PGM1: variants seen among roughly 807,000 people sequenced by gnomAD.
The protein encoded by PGM1 is phosphoglucomutase-1.
In PGM1, 52 loss-of-function variants were observed where a neutral mutation model predicts 55.6. The ratio of observed to expected loss-of-function variants is 0.94; its 90% confidence interval spans 0.75 to 1.18. The LOEUF (loss-of-function observed/expected upper bound fraction) is 1.18, where lower values mean the gene tolerates loss of function less well. PGM1 is among the 50% of genes most tolerant of loss of function. PGM1 has a pLI of 0.00. For missense variants in PGM1, 724 were observed against 729.3 expected, an observed-to-expected ratio of 0.99 and a Z score of 0.08; for synonymous variants, 287 against 271.7, an observed-to-expected ratio of 1.06 and a Z score of -0.55.
intron 4 of PGM1, among the ~76,000 whole-genome samples, chr1:63,632,318 C>A (rs932119974): frequency 6.6e-6 from 1 of 152,148 alleles, no homozygotes; most frequent in Non-Finnish European, 1.5e-5. Context: ...TCACTGTGAA[C>A]CAGAACCACG....
intron 1 of PGM1, among the ~76,000 whole-genome samples, chr1:63,594,960 CAA>C (rs56084088): frequency 1.1e-5 from 1 of 93,112 alleles, no homozygotes. Flanking sequence ...GACTCCGTCT[CAA>C]AAAAAAAAAA....
At chr1:63,628,977 A>G (rs1163280083) in intron 1 of PGM1, among the ~76,000 whole-genome samples, 1 of 152,230 alleles carries the variant, frequency 6.6e-6, no homozygotes, top group Non-Finnish European at 1.5e-5. Flanking sequence ...TTACTTTAAA[A>G]AAGCCTTCTC....
At chr1:63,610,614 A>G (rs1648539375) in intron 1 of PGM1, among the ~76,000 whole-genome samples, 1 of 152,188 alleles carries the variant, frequency 6.6e-6, no homozygotes, top group Non-Finnish European at 1.5e-5. Flanking sequence ...CAGACACTTT[A>G]AACTTCTTGC....
Position 63,636,342 on chromosome 1 carries a change from G to T in PGM1, c.982G>T (p.Val328Phe). ...FSIPYFQQTG[V>F]RGFARSMPTS... is the part of the protein sequence containing the mutation. Reference sequence around the variant, plus strand: ...CATTCCGTATTTCCAGCAGACTGGGGTCCGCGGCTTTGCACGGAGCATGCC... The same window carrying T: ...CATTCCGTATTTCCAGCAGACTGGGTTCCGCGGCTTTGCACGGAGCATGCC... Residue 328 changes from valine (V) to phenylalanine (F), a missense_variant, in exon 6 of 11, where the codon GTC becomes TTC. This residue lies in a region of PGM1 where 316 missense variants were observed against 313.1 expected (regional missense o/e 1.01). Coordinates refer to ENST00000371084, the MANE Select transcript of PGM1 (RefSeq NM_002633.3). 6.2e-7 allele frequency: 1 copy of T among 1,614,120 alleles called. No individual in the cohort carries two copies. Among genetic ancestry groups the T allele is most frequent in the Non-Finnish European group, 8.5e-7 (1 of 1,180,004 alleles).
At chr1:63,626,255 G>A (rs1649012081) in intron 1 of PGM1, among the ~76,000 whole-genome samples, 2 of 152,062 alleles carry the variant, frequency 1.3e-5, no homozygotes, top group African/African-American at 2.4e-5. Flanking sequence ...TCAGTGTATG[G>A]TTCCCTGGCA....
rs367648776 is a variant in PGM1, at chr1:63,638,793, C to T, written c.1137C>T (p.Phe379=). The change falls in exon 7 of 11, where the codon TTC becomes TTT. Residue 379 remains phenylalanine, a synonymous_variant. Transcript: ENST00000371084. ...SKLSLCGEES[F]GTGSDHIREK... ...TGTCCCTTTGTGGGGAGGAGAGCTT[C>T]GGGACCGGTAAGTCACACTCCTGTG... The T allele has an allele frequency of 9.6e-5, 154 of 1,610,822 alleles. No individual in the cohort carries two copies. The highest frequency in any genetic ancestry group is 5.2e-4 in the African/African-American group (39 of 74,852).
At chr1:63,634,781 G>T in intron 4 of PGM1, 48 bp from the exon 5 acceptor site, 2 of 1,500,040 alleles carry the variant, frequency 1.3e-6, no homozygotes, top group South Asian at 2.3e-5. Flanking sequence ...ATACTTTAAG[G>T]AGTTTTATTT....
At chr1:63,602,952 G>A (rs943855167) in intron 1 of PGM1, among the ~76,000 whole-genome samples, 2 of 152,150 alleles carry the variant, frequency 1.3e-5, no homozygotes, top group Non-Finnish European at 2.9e-5. Context: ...TAAAGGAGGC[G>A]TGCCTGGTTC....
intron 7 of PGM1, among the ~76,000 whole-genome samples, chr1:63,643,101 T>C (rs1649559999): frequency 6.6e-6 from 1 of 152,160 alleles, no homozygotes; most frequent in African/African-American, 2.4e-5. Context: ...CCATTCTAAT[T>C]TGCATAGCTA....
At chr1:63,615,893 C>G (rs1216544355) in intron 1 of PGM1, among the ~76,000 whole-genome samples, 1 of 152,038 alleles carries the variant, frequency 6.6e-6, no homozygotes. Flanking sequence ...GGCACAATTT[C>G]CCTTGTGATC....
intron 3 of PGM1, among the ~76,000 whole-genome samples, chr1:63,630,874 G>T (rs1425663120): frequency 6.6e-6 from 1 of 152,206 alleles, no homozygotes; most frequent in Admixed American, 6.5e-5. Flanking sequence ...CCTGGCTAAA[G>T]GATGGATTGC....
At chr1:63,594,008 C>G in intron 1 of PGM1, 2 of 1,144,590 alleles carry the variant, frequency 1.7e-6, no homozygotes, top group Non-Finnish European at 2.1e-6. Context: ...CAAGGTCACG[C>G]CCGACTCTCC....
intron 1 of PGM1, among the ~76,000 whole-genome samples, chr1:63,627,446 G>A (rs1649055182): frequency 6.6e-6 from 1 of 152,088 alleles, no homozygotes; most frequent in African/African-American, 2.4e-5. Flanking sequence ...ATCTTTAAGG[G>A]AAGGAGGGTA....
At chr1:63,604,855 G>A (rs1167072151) in intron 1 of PGM1, among the ~76,000 whole-genome samples, 2 of 151,210 alleles carry the variant, frequency 1.3e-5, no homozygotes, top group Admixed American at 6.6e-5. Flanking sequence ...AAATTATCAG[G>A]CCCCCTGTCC....
chr1:63,615,550 C>CTTTTTTTTTTT lies in PGM1; in HGVS notation c.247-13855_247-13845dup, dbSNP rs1161161385. 3.2e-3 allele frequency among the ~76,000 whole-genome samples: 203 copies of CTTTTTTTTTTT among 62,988 alleles called. 32 individuals are homozygous for CTTTTTTTTTTT. Among genetic ancestry groups the CTTTTTTTTTTT allele is most frequent in the African/African-American group, 8.6e-3 (127 of 14,820 alleles). The allele number at this position is 62,988 out of a possible 152,430, so 41.3% of individuals were successfully genotyped here. A position where few individuals can be genotyped will look rare whatever the true frequency, so the allele number is the denominator to read the frequency against. ...CCATTTCTCTCCTCTTCTTCTTCTT[C>CTTTTTTTTTTT]TTTTTTTTTTTTTTTTTTTTTTTTT... is the stretch of plus-strand genomic sequence containing the variant. On this transcript the variant is annotated intron_variant, in intron 1 of 10. Transcript: ENST00000371084.
At chr1:63,610,035 A>G (rs1209391206) in intron 1 of PGM1, among the ~76,000 whole-genome samples, 1 of 152,184 alleles carries the variant, frequency 6.6e-6, no homozygotes, top group African/African-American at 2.4e-5. Context: ...AGACTTTGAG[A>G]TTTTGCTTCA....
Position 63,630,304 on chromosome 1 carries a change from C to T in PGM1, c.556+216C>T, listed in dbSNP as rs79011721. 9.5e-3 allele frequency among the ~76,000 whole-genome samples: 1,452 copies of T among 152,250 alleles called. 18 individuals carry two copies. Among genetic ancestry groups the T allele is most frequent in the South Asian group, 0.015 (74 of 4,826 alleles). On this transcript the variant is annotated intron_variant, in intron 3 of 10. Coordinates refer to ENST00000371084, the MANE Select transcript of PGM1 (RefSeq NM_002633.3). ...CTGCCAGGGATCAGCTGCATGACAT[C>T]GAGTAAGTCATTTCCAGCACTCTAG...
Position 63,647,273 on chromosome 1 carries a change from T to TATATATATATAC in PGM1, c.1145-1233_1145-1232insCATATATATATA, listed in dbSNP as rs1208182785. ...ATAAAATTTTACATATATATATATA[T>TATATATATATAC]ATATATATATATATATATATATATA... On this transcript the variant is annotated intron_variant, in intron 7 of 10. Transcript: ENST00000371084. Among the ~76,000 whole-genome samples, 54 of 16,454 alleles carry TATATATATATAC rather than the reference T, an allele frequency of 3.3e-3. 2 individuals carry two copies. The highest frequency in any genetic ancestry group is 4.0e-3 in the Non-Finnish European group (45 of 11,252). The allele number at this position is 16,454 out of a possible 152,430, so 10.8% of individuals were successfully genotyped here.
intron 4 of PGM1, among the ~76,000 whole-genome samples, chr1:63,634,546 C>T (rs371215961): frequency 3.7e-4 from 57 of 152,222 alleles, no homozygotes; most frequent in East Asian, 1.2e-3. Flanking sequence ...ACAGGTATAC[C>T]GCAGGGCCTT....
Sources: allele counts gnomAD v4.1 joint callset (sites outside exome capture counted in the v4.1 genomes callset), GRCh38; gene constraint gnomAD v4.1.1; regional missense constraint gnomAD v4.1.1; transcripts MANE v1.5; gene names NCBI Gene and HGNC (gene_info 2026-07-23, HGNC 2026-07-21).